RORA: variants seen among roughly 807,000 people sequenced by gnomAD.
The protein encoded by RORA is nuclear receptor ROR-alpha.
In RORA, 7 loss-of-function variants were observed where a neutral mutation model predicts 69.5. The observed-to-expected ratio is 0.10, with a 90% CI of 0.06 to 0.19. The LOEUF is 0.19. Ranked by LOEUF, RORA falls within the 10% of genes least tolerant of loss-of-function variation. The probability of loss-of-function intolerance (pLI) is 1.00; values close to 1 mark genes in which losing one functional copy is unlikely to be tolerated. For synonymous variants in RORA, 261 were observed against 240.8 expected (o/e 1.08, Z -0.78); for missense variants, 457 against 663.0 (o/e 0.69, Z 3.41).
intron 1 of RORA, among the ~76,000 whole-genome samples, chr15:61,015,797 C>T (rs528666317): frequency 6.6e-6 from 1 of 152,170 alleles, no homozygotes; most frequent in African/African-American, 2.4e-5. Context: ...AAATTATATA[C>T]CTGTAAAAGA....
intron 1 of RORA, among the ~76,000 whole-genome samples, chr15:61,044,286 A>G (rs1030429124): frequency 6.6e-6 from 1 of 152,184 alleles, no homozygotes; most frequent in South Asian, 2.1e-4. Flanking sequence ...CCTGTAACCC[A>G]AATGCCAGGC....
chr15:60,836,188 T>C (rs751751810), intron 1 of RORA, among the ~76,000 whole-genome samples: 4 of 152,214 alleles, frequency 2.6e-5, no homozygotes, highest in Non-Finnish European at 4.4e-5. Context: ...GGCGTAAATG[T>C]CATTCCGTGG....
intron 5 of RORA, among the ~76,000 whole-genome samples, chr15:60,509,202 T>G (rs540952673): frequency 1.3e-5 from 2 of 152,214 alleles, no homozygotes; most frequent in Non-Finnish European, 2.9e-5. Flanking sequence ...CATGATACTC[T>G]TAGCTCCCTG....
intron 2 of RORA, among the ~76,000 whole-genome samples, chr15:60,584,750 C>T (rs958112522): frequency 6.6e-6 from 1 of 151,710 alleles, no homozygotes; most frequent in Non-Finnish European, 1.5e-5. Context: ...AAAACCTTTC[C>T]AACAACCGAA....
At chr15:60,825,634 T>G (rs2072945996) in intron 1 of RORA, among the ~76,000 whole-genome samples, 1 of 152,196 alleles carries the variant, frequency 6.6e-6, no homozygotes. Context: ...TCACGTGCTG[T>G]GATGCCACCT....
At chr15:61,040,113 GATATATATATATATATATAT>G (rs60830259) in intron 1 of RORA, among the ~76,000 whole-genome samples, 4,979 of 46,360 alleles carry the variant, frequency 0.11, 248 homozygotes, top group Non-Finnish European at 0.14. Flanking sequence ...CACAAGCTTT[GATATATATATATATATATAT>G]ATATATATAT....
At chr15:60,698,480 AT>A (rs1249984289) in intron 1 of RORA, among the ~76,000 whole-genome samples, 2 of 152,204 alleles carry the variant, frequency 1.3e-5, no homozygotes, top group African/African-American at 4.8e-5. Context: ...GTAGAAAAAA[AT>A]TTTAAATGTT....
intron 2 of RORA, among the ~76,000 whole-genome samples, chr15:60,644,884 T>G (rs183400931): frequency 3.3e-5 from 5 of 152,182 alleles, no homozygotes; most frequent in Non-Finnish European, 7.3e-5. Context: ...GCCCGTCTTA[T>G]GAAGGTGGCT....
chr15:60,656,785 G>C (rs1021382477), intron 2 of RORA, among the ~76,000 whole-genome samples: 135 of 152,180 alleles, frequency 8.9e-4, no homozygotes, highest in African/African-American at 3.0e-3. Flanking sequence ...GGAAGGAAAA[G>C]TAACAGATAA....
chr15:61,093,105 T>C (rs2078732412), intron 1 of RORA, among the ~76,000 whole-genome samples: 1 of 152,216 alleles, frequency 6.6e-6, no homozygotes, highest in Non-Finnish European at 1.5e-5. Flanking sequence ...TTAGATCCTC[T>C]AGTTAGACTG....
intron 1 of RORA, among the ~76,000 whole-genome samples, chr15:60,959,840 A>G (rs767946080): frequency 1.3e-5 from 2 of 152,050 alleles, no homozygotes; most frequent in Non-Finnish European, 2.9e-5. Flanking sequence ...GTTTTGCCAT[A>G]AAGGTTTATG....
intron 1 of RORA, among the ~76,000 whole-genome samples, chr15:60,737,634 A>C (rs1567173971): frequency 2.0e-5 from 3 of 152,246 alleles, no homozygotes; most frequent in Non-Finnish European, 4.4e-5. Flanking sequence ...TATAAGCGTC[A>C]TGTGTATATA....
At chr15:61,013,057 C>T (rs1044476316) in intron 1 of RORA, among the ~76,000 whole-genome samples, 1 of 152,222 alleles carries the variant, frequency 6.6e-6, no homozygotes, top group African/African-American at 2.4e-5. Flanking sequence ...TACATGTCTT[C>T]AATTTACTTC....
intron 1 of RORA, among the ~76,000 whole-genome samples, chr15:61,030,868 A>C (rs1034570789): frequency 6.6e-6 from 1 of 152,192 alleles, no homozygotes; most frequent in Admixed American, 6.5e-5. Flanking sequence ...ATTGTGAAGG[A>C]TATTAGAAAA....
rs927023944 is a variant in RORA, at chr15:60,897,162, T to C, written c.167-218476A>G. Among the ~76,000 whole-genome samples the C allele has an allele frequency of 7.9e-5, 12 of 152,024 alleles. No homozygotes were observed. In the East Asian group the frequency reaches 2.1e-3, roughly 27 times the overall value. On this transcript the variant is annotated intron_variant, in intron 1 of 10. Transcript: ENST00000335670. ...GACTGCAGAGTGGAGGCAAGAGCCA[T>C]AGAAAAGAGAGAAAGCCCTAGAAGG...
At chr15:61,096,453 G>C (rs2078791307) in intron 1 of RORA, among the ~76,000 whole-genome samples, 1 of 152,156 alleles carries the variant, frequency 6.6e-6, no homozygotes, top group Admixed American at 6.5e-5. Context: ...TTCAGGCAAA[G>C]ACAGCCAGAT....
intron 1 of RORA, among the ~76,000 whole-genome samples, chr15:61,154,893 C>T (rs1015888058): frequency 6.6e-6 from 1 of 152,150 alleles, no homozygotes; most frequent in Admixed American, 6.5e-5. Flanking sequence ...TTCTGCCTCT[C>T]GCATTGTGAA....
At chr15:60,532,480 T>G (rs958551661) in intron 2 of RORA, among the ~76,000 whole-genome samples, 1 of 152,238 alleles carries the variant, frequency 6.6e-6, no homozygotes, top group Non-Finnish European at 1.5e-5. Flanking sequence ...GATGTGTTGC[T>G]TCTGAGTTCT....
chr15:60,508,303 C>T (rs761659913), intron 5 of RORA, among the ~76,000 whole-genome samples: 1 of 152,198 alleles, frequency 6.6e-6, no homozygotes, highest in African/African-American at 2.4e-5. Context: ...TTCAGCAATA[C>T]AGCCAGCGCC....
Sources: gnomAD v4.1 joint callset for allele counts (sites outside exome capture counted in the v4.1 genomes callset) on GRCh38, gnomAD v4.1.1 for gene constraint, MANE v1.5 for transcripts, NCBI Gene and HGNC (gene_info 2026-07-23, HGNC 2026-07-21) for gene names.